Variants in NUP98 observed in about 807,000 individuals in gnomAD.
The protein encoded by NUP98 is nuclear pore complex protein Nup98-Nup96.
Under a neutral mutation model 191.9 loss-of-function variants are expected in NUP98, and 26 were observed. The ratio of observed to expected loss-of-function variants is 0.14; its 90% confidence interval spans 0.10 to 0.19. The LOEUF is 0.19. Among genes scored for constraint, NUP98 ranks in the 10% least tolerant of loss-of-function variants. The pLI is 1.00. For missense variants in NUP98, 1,941 were observed against 2,178.8 expected (o/e 0.89, Z 2.17); for synonymous variants, 808 against 778.4 (o/e 1.04, Z -0.63).
In NUP98 at chr11:3,702,710, A is replaced by G. The variant is rs559647493; in HGVS notation, c.3265T>C (p.Leu1089=). The part of the protein sequence containing the change: ...TMPSPAPEVP[L]KTVGTRRQLG... ...TGCCTACGTGTACCCACTGTTTTCA[A>G]CGGAACCTCAGGGGCTGGGCTGGGC... Residue 1089 remains leucine (L), a synonymous_variant, in exon 23 of 33, where the codon TTG becomes CTG. Coordinates refer to ENST00000324932, the MANE Select transcript of NUP98 (RefSeq NM_016320.5). 21 of 1,614,164 alleles carry G rather than the reference A, an allele frequency of 1.3e-5. No homozygotes were observed. In the Admixed American group the frequency reaches 1.5e-4, roughly 12 times the overall value.
intron 1 of NUP98, among the ~76,000 whole-genome samples, chr11:3,785,402 G>A (rs1194955978): frequency 1.3e-5 from 2 of 152,238 alleles, no homozygotes; most frequent in East Asian, 1.9e-4. Flanking sequence ...GTTCCTGTGG[G>A]TTTTCAGTTT....
intron 17 of NUP98, among the ~76,000 whole-genome samples, chr11:3,720,025 C>T (rs1459413106): frequency 2.6e-5 from 4 of 152,036 alleles, no homozygotes; most frequent in East Asian, 1.9e-4. Context: ...CCTCCCAAAG[C>T]GCTAGAATTA....
At chr11:3,693,031 G>C in intron 27 of NUP98, 2 of 530,660 alleles carry the variant, frequency 3.8e-6, no homozygotes, top group Non-Finnish European at 6.6e-6. Flanking sequence ...CTCTGATTTA[G>C]AGGCAGGAAA....
intron 5 of NUP98, among the ~76,000 whole-genome samples, chr11:3,773,991 A>G (rs1432269372): frequency 6.6e-6 from 1 of 152,198 alleles, no homozygotes; most frequent in African/African-American, 2.4e-5. Context: ...AAGCCATCCA[A>G]TTACATGGTA....
chr11:3,794,579 G>A (rs533279555), intron 1 of NUP98, among the ~76,000 whole-genome samples: 6 of 151,864 alleles, frequency 4.0e-5, no homozygotes, highest in Non-Finnish European at 7.4e-5. Flanking sequence ...CACCCGCCTC[G>A]GCCTCCCAAA....
intron 9 of NUP98, among the ~76,000 whole-genome samples, chr11:3,761,927 G>A (rs986880578): frequency 3.3e-5 from 5 of 152,014 alleles, no homozygotes; most frequent in African/African-American, 1.2e-4. Context: ...CTGGACAACA[G>A]AACGAGACTC....
At chr11:3,679,749 CAT>C (rs1380769183) in intron 30 of NUP98, 41 bp from the exon 31 acceptor site, 9 of 1,584,144 alleles carry the variant, frequency 5.7e-6, no homozygotes, top group African/African-American at 1.4e-5. Context: ...TGCACAAGTG[CAT>C]AGTTTCCAAA....
intron 31 of NUP98, among the ~76,000 whole-genome samples, chr11:3,678,558 A>G (rs1485408057): frequency 6.6e-6 from 1 of 152,232 alleles, no homozygotes; most frequent in Admixed American, 6.5e-5. Flanking sequence ...AGAGAGAAGT[A>G]GGGGTAACAG....
At chr11:3,745,583 A>G (rs983906072) in intron 11 of NUP98, among the ~76,000 whole-genome samples, 44 of 152,104 alleles carry the variant, frequency 2.9e-4, no homozygotes, top group African/African-American at 9.7e-4. Context: ...ATTTCCCACC[A>G]TATTTCCCCA....
chr11:3,689,795 T>C (rs1195476452), intron 28 of NUP98, among the ~76,000 whole-genome samples: 1 of 151,666 alleles, frequency 6.6e-6, no homozygotes, highest in African/African-American at 2.4e-5. Flanking sequence ...CTACCACACA[T>C]GGCTAATTTT....
chr11:3,695,496 T>A lies in NUP98; in HGVS notation c.4120A>T (p.Ile1374Phe). ...AAGATGCGCAGTCTCTCATCCTGGA[T>A]GAAGGAGTCTGCTTGGAGCTGATGC... ...DWHQLQADSF[I>F]QDERLRIFAL... Residue 1374 changes from isoleucine to phenylalanine, a missense_variant, in exon 26 of 33, where the codon ATC becomes TTC. By Grantham distance (21) the Ile-to-Phe change is conservative. This residue lies in a region of NUP98 where 1,030 missense variants were observed against 1,115.8 expected (regional missense o/e 0.92). Coordinates refer to ENST00000324932, the MANE Select transcript of NUP98 (RefSeq NM_016320.5). 6.2e-7 allele frequency: 1 copy of A among 1,609,146 alleles called. No homozygotes were observed. Among genetic ancestry groups the A allele is most frequent in the East Asian group, 2.2e-5 (1 of 44,568 alleles).
chr11:3,769,701 A>G (rs2081458767), intron 7 of NUP98, among the ~76,000 whole-genome samples: 1 of 151,700 alleles, frequency 6.6e-6, no homozygotes, highest in Non-Finnish European at 1.5e-5. Flanking sequence ...TGAGATCAGG[A>G]GTTCGAGACC....
At chr11:3,721,787 G>A (rs1424142153) in intron 16 of NUP98, among the ~76,000 whole-genome samples, 2 of 151,946 alleles carry the variant, frequency 1.3e-5, no homozygotes, top group African/African-American at 2.4e-5. Flanking sequence ...AAAGCAGAGC[G>A]CTGAAAAACT....
At chr11:3,690,532 T>C (rs1034377863) in intron 28 of NUP98, among the ~76,000 whole-genome samples, 4 of 152,158 alleles carry the variant, frequency 2.6e-5, no homozygotes, top group African/African-American at 9.7e-5. Flanking sequence ...AATGCTGGGA[T>C]TACAGGCGTG....
chr11:3,720,157 C>T (rs1259399583), intron 17 of NUP98, among the ~76,000 whole-genome samples: 1 of 152,122 alleles, frequency 6.6e-6, no homozygotes, highest in Non-Finnish European at 1.5e-5. Context: ...AACAAACCTT[C>T]GCACTTGGCC....
chr11:3,778,307 G>A (rs1414196946), intron 4 of NUP98, among the ~76,000 whole-genome samples: 1 of 151,594 alleles, frequency 6.6e-6, no homozygotes, highest in East Asian at 1.9e-4. Flanking sequence ...CATACCTGAT[G>A]AACTAGCAGT....
intron 3 of NUP98, 43 bp from the exon 4 acceptor site, chr11:3,779,092 G>A (rs1157399835): frequency 9.9e-6 from 16 of 1,613,018 alleles, no homozygotes; most frequent in Admixed American, 1.7e-5. Context: ...GTACATCAGA[G>A]CCACTAAGTC....
At chr11:3,726,509 T>C (rs188724939) in intron 14 of NUP98, among the ~76,000 whole-genome samples, 2 of 146,550 alleles carry the variant, frequency 1.4e-5, no homozygotes, top group South Asian at 2.1e-4. Flanking sequence ...GGTGTCCCTA[T>C]AGACGCCACT....
In NUP98 at chr11:3,676,496, G is replaced by A. The variant is rs775708806; in HGVS notation, c.5185+13C>T. ...GCAAGAAGGCAGAAAGAGTGAGGAG[G>A]TTAGAGGCTTACCTGACTGAGCCAG... On this transcript the variant is annotated intron_variant, in intron 32 of 32. Coordinates refer to ENST00000324932, the MANE Select transcript of NUP98 (RefSeq NM_016320.5). 11 of 1,610,130 alleles carry A rather than the reference G, an allele frequency of 6.8e-6. No homozygotes were observed. The highest frequency in any genetic ancestry group is 1.1e-5 in the South Asian group (1 of 90,994).
Sources: allele counts gnomAD v4.1 joint callset (sites outside exome capture counted in the v4.1 genomes callset), GRCh38; gene constraint gnomAD v4.1.1; regional missense constraint gnomAD v4.1.1; transcripts MANE v1.5; gene names NCBI Gene and HGNC (gene_info 2026-07-23, HGNC 2026-07-21).